The following CRIM1 variants were observed in gnomAD, a reference collection of about 807,000 sequenced individuals.
The protein encoded by CRIM1 is cysteine-rich motor neuron 1 protein.
In CRIM1, 32 loss-of-function variants were observed where a neutral mutation model predicts 116.4. The observed-to-expected ratio is 0.27, with a 90% confidence interval of 0.21 to 0.37. The LOEUF is 0.37. CRIM1 is among the 10% of genes least tolerant of loss of function. The pLI is 1.00. For synonymous variants in CRIM1, 590 were observed against 509.2 expected, an observed-to-expected ratio of 1.16 and a Z score of -2.13; for missense variants, 1,331 against 1,354.8, an observed-to-expected ratio of 0.98 and a Z score of 0.28.
At chr2:36,406,122 A>C (rs764805767) in intron 2 of CRIM1, among the ~76,000 whole-genome samples, 4 of 152,360 alleles carry the variant, frequency 2.6e-5, no homozygotes, top group South Asian at 4.1e-4. Context: ...AGAAATAATC[A>C]TTAATTCACA....
chr2:36,548,696 G>C lies in CRIM1; in HGVS notation c.3106G>C (p.Val1036Leu), dbSNP rs753252208. The C allele has an allele frequency of 4.4e-6, 7 of 1,581,112 alleles. No homozygotes were observed. The Admixed American group carries it at 5.9e-5, about 13-fold the overall frequency. The change falls in exon 17 of 17, where the codon GTG becomes CTG. Residue 1036 changes from valine to leucine, a missense_variant. Coordinates refer to ENST00000280527, the MANE Select transcript of CRIM1 (RefSeq NM_016441.3). ...ACAGGCAGACAATTTCTACCAAACAGTGTGAAGAAAGGCAACTAGGATGAG... is the reference window on the plus strand; with the variant it reads ...ACAGGCAGACAATTTCTACCAAACACTGTGAAGAAAGGCAACTAGGATGAG... ...HLQADNFYQTV is the reference protein window; with the variant it reads ...HLQADNFYQTL
intron 2 of CRIM1, among the ~76,000 whole-genome samples, chr2:36,437,820 C>T (rs1675436873): frequency 6.6e-6 from 1 of 152,028 alleles, no homozygotes; most frequent in African/African-American, 2.4e-5. Flanking sequence ...AATGTTGGGA[C>T]TGTCAAAAAG....
chr2:36,502,079 A>C (rs1351192713), intron 8 of CRIM1, among the ~76,000 whole-genome samples: 1 of 152,212 alleles, frequency 6.6e-6, no homozygotes, highest in Non-Finnish European at 1.5e-5. Context: ...GTTTCTAAAA[A>C]GTCTAAAAAT....
intron 2 of CRIM1, among the ~76,000 whole-genome samples, chr2:36,419,474 G>C (rs1451424359): frequency 6.6e-6 from 1 of 152,176 alleles, no homozygotes; most frequent in Non-Finnish European, 1.5e-5. Flanking sequence ...TGACATCCCA[G>C]AATAGGTAGT....
intron 7 of CRIM1, among the ~76,000 whole-genome samples, chr2:36,488,815 TGCA>T (rs1429035605): frequency 6.6e-6 from 1 of 152,168 alleles, no homozygotes; most frequent in African/African-American, 2.4e-5. Flanking sequence ...GCTCTTACTT[TGCA>T]GCAGCCTAGT....
rs898977553 is a variant in CRIM1, at chr2:36,438,340, A to G, written c.506-2918A>G. ...AGGAATTAAGTGCTATTTGCAATCAAAGTCACAAAGCTTTTCTTAATTATA... is the reference window on the plus strand; with the variant it reads ...AGGAATTAAGTGCTATTTGCAATCAGAGTCACAAAGCTTTTCTTAATTATA... On this transcript the variant is annotated intron_variant, in intron 2 of 16. Transcript: ENST00000280527. Among the ~76,000 whole-genome samples, 4 of 152,228 alleles carry G rather than the reference A, an allele frequency of 2.6e-5. No individual in the cohort carries two copies. The East Asian group carries it at 7.7e-4, about 29-fold the overall frequency.
At chr2:36,536,222 G>A (rs1173839037) in intron 13 of CRIM1, among the ~76,000 whole-genome samples, 8 of 152,142 alleles carry the variant, frequency 5.3e-5, no homozygotes, top group African/African-American at 1.7e-4. Context: ...GCTTCTCGTC[G>A]TGCCCTGAGA....
intron 1 of CRIM1, among the ~76,000 whole-genome samples, chr2:36,380,804 G>C (rs1321090098): frequency 2.0e-5 from 3 of 152,196 alleles, no homozygotes; most frequent in Non-Finnish European, 4.4e-5. Context: ...GGCATTGGAA[G>C]TTTCTTCAGA....
In CRIM1 at chr2:36,549,752, CCT is replaced by C. The variant is rs968423401; in HGVS notation, c.*1054_*1055del. 9.9e-5 allele frequency: 15 copies of C among 152,270 alleles called. No homozygotes were observed. Among genetic ancestry groups the C allele is most frequent in the African/African-American group, 3.6e-4 (15 of 41,440 alleles). The allele number at this position is 152,270 out of a possible 1,614,324, so 9.4% of individuals were successfully genotyped here. A position where few individuals can be genotyped will look rare whatever the true frequency, so the allele number is the denominator to read the frequency against. ...TTGTTGAAGCTCAAAAAAAATGATG[CCT>C]CTTTAAACTTTAGCAATTATAGGAG... On this transcript the variant is annotated 3_prime_UTR_variant, in exon 17 of 17. Transcript: ENST00000280527.
chr2:36,451,299 GCA>G (rs140198310), intron 4 of CRIM1, among the ~76,000 whole-genome samples: 2 of 151,266 alleles, frequency 1.3e-5, no homozygotes, highest in African/African-American at 2.4e-5. Flanking sequence ...CACACAACAT[GCA>G]CACACACACA....
rs1448980175 is a variant in CRIM1, at chr2:36,517,312, T to C, written c.1991-15T>C. ...GCAGATGAATAATGTGTTCTGATTT[T>C]GTGTCATTTCCCAGATGACTTTGTG... On this transcript the variant is annotated splice_polypyrimidine_tract_variant and intron_variant, in intron 11 of 16. Transcript: ENST00000280527. The C allele has an allele frequency of 6.2e-7, 1 of 1,606,564 alleles. No individual in the cohort carries two copies. The highest frequency in any genetic ancestry group is 1.7e-5 in the Admixed American group (1 of 60,012).
intron 1 of CRIM1, among the ~76,000 whole-genome samples, chr2:36,366,823 C>G (rs961184204): frequency 7.9e-5 from 12 of 152,178 alleles, no homozygotes; most frequent in Non-Finnish European, 1.5e-4. Flanking sequence ...TTTAAGACTG[C>G]GAAAGACCTG....
intron 12 of CRIM1, among the ~76,000 whole-genome samples, chr2:36,519,060 G>A (rs1342550531): frequency 2.0e-5 from 3 of 152,054 alleles, no homozygotes; most frequent in Admixed American, 6.6e-5. Context: ...TAGGCAATCC[G>A]GGAAACTAAA....
intron 2 of CRIM1, among the ~76,000 whole-genome samples, chr2:36,406,873 A>G (rs1350266275): frequency 6.6e-6 from 1 of 152,156 alleles, no homozygotes; most frequent in African/African-American, 2.4e-5. Context: ...AGCTCATATA[A>G]TTTGTTTAAA....
chr2:36,428,552 G>A (rs1017574119), intron 2 of CRIM1, among the ~76,000 whole-genome samples: 1 of 152,184 alleles, frequency 6.6e-6, no homozygotes, highest in Non-Finnish European at 1.5e-5. Flanking sequence ...TAGGCTTGTG[G>A]ATGACAAAGC....
intron 1 of CRIM1, among the ~76,000 whole-genome samples, chr2:36,389,869 C>T (rs1293689984): frequency 1.3e-5 from 2 of 152,098 alleles, no homozygotes; most frequent in Non-Finnish European, 2.9e-5. Context: ...GCTAGTGTTG[C>T]CACAGCTCGT....
At position 36,428,734 on chromosome 2, in the gene CRIM1, A is replaced by T. The variant is rs1478480256; in HGVS notation, c.506-12524A>T. ...ATATTACTTGTTTGAGTGTTTCTCA[A>T]GTGATTCAGAATGCTTTACTTACAT... On this transcript the variant is annotated intron_variant, in intron 2 of 16. Transcript: ENST00000280527. Among the ~76,000 whole-genome samples the T allele has an allele frequency of 7.9e-5, 12 of 152,220 alleles. 1 individual carries two copies. Among genetic ancestry groups the T allele is most frequent in the Non-Finnish European group, 1.5e-4 (10 of 68,048 alleles).
chr2:36,414,727 A>T (rs896655985), intron 2 of CRIM1, among the ~76,000 whole-genome samples: 1 of 152,176 alleles, frequency 6.6e-6, no homozygotes, highest in Admixed American at 6.5e-5. Flanking sequence ...CCAGTATGGG[A>T]GAAAGAGTTT....
At chr2:36,543,876 A>G (rs969975191) in intron 14 of CRIM1, among the ~76,000 whole-genome samples, 1 of 152,200 alleles carries the variant, frequency 6.6e-6, no homozygotes, top group Non-Finnish European at 1.5e-5. Context: ...CATGAGGTCT[A>G]CCTACAGTCC....
Sources: gnomAD v4.1 joint callset for allele counts (sites outside exome capture counted in the v4.1 genomes callset) on GRCh38, gnomAD v4.1.1 for gene constraint, MANE v1.5 for transcripts, NCBI Gene and HGNC (gene_info 2026-07-23, HGNC 2026-07-21) for gene names.